STK39: variants seen among roughly 807,000 people sequenced by gnomAD.
The protein encoded by STK39 is serine/threonine kinase 39.
A neutral mutation model predicts 77.8 loss-of-function variants in STK39; 20 were observed. That is an observed-to-expected ratio of 0.26 (90% CI 0.18 to 0.37). STK39 has a LOEUF of 0.37. Among genes scored for constraint, STK39 ranks in the 10% least tolerant of loss-of-function variants. The pLI is 1.00. For missense variants in STK39, 479 were observed against 656.5 expected (o/e 0.73, Z 2.95); for synonymous variants, 246 against 234.1 (o/e 1.05, Z -0.47).
At chr2:168,134,029 A>G (rs1687769419) in intron 8 of STK39, among the ~76,000 whole-genome samples, 1 of 152,188 alleles carries the variant, frequency 6.6e-6, no homozygotes, top group Non-Finnish European at 1.5e-5. Context: ...CCACCAGTAC[A>G]GCCTACCTTT....
At chr2:168,246,859 G>T (rs1478124837) in intron 1 of STK39, among the ~76,000 whole-genome samples, 1 of 151,730 alleles carries the variant, frequency 6.6e-6, no homozygotes, top group Non-Finnish European at 1.5e-5. Context: ...CTGCCTGTCC[G>T]CGTGGCCACC....
chr2:168,229,942 T>A (rs1690409521), intron 1 of STK39, among the ~76,000 whole-genome samples: 1 of 152,192 alleles, frequency 6.6e-6, no homozygotes, highest in African/African-American at 2.4e-5. Context: ...CAAAAATCAC[T>A]CTGATGCTTA....
intron 1 of STK39, among the ~76,000 whole-genome samples, chr2:168,198,922 T>C (rs1241644216): frequency 1.6e-4 from 25 of 152,248 alleles, no homozygotes; most frequent in Admixed American, 1.6e-3. Context: ...TACTATACTG[T>C]ATTCTAAAGG....
chr2:168,033,250 G>GA (rs1233487908), intron 14 of STK39, among the ~76,000 whole-genome samples: 5,125 of 140,442 alleles, frequency 0.036, 258 homozygotes, highest in African/African-American at 0.11. Context: ...CCAGCAAAAA[G>GA]AAAAAAAAAA....
chr2:168,147,320 T>G (rs563982320), intron 5 of STK39, among the ~76,000 whole-genome samples: 8 of 152,224 alleles, frequency 5.3e-5, no homozygotes, highest in Non-Finnish European at 1.2e-4. Context: ...CGGGAACATT[T>G]TCAGGGCTGC....
At chr2:167,991,098 T>C (rs1268174845) in intron 16 of STK39, among the ~76,000 whole-genome samples, 1 of 152,226 alleles carries the variant, frequency 6.6e-6, no homozygotes, top group Non-Finnish European at 1.5e-5. Context: ...GTTTGGCAGA[T>C]ACAAACACTT....
At chr2:168,135,390 G>T (rs1351011756) in intron 8 of STK39, among the ~76,000 whole-genome samples, 1 of 152,160 alleles carries the variant, frequency 6.6e-6, no homozygotes, top group Non-Finnish European at 1.5e-5. Context: ...CTATGAAGTG[G>T]GTATTTTAAG....
intron 1 of STK39, among the ~76,000 whole-genome samples, chr2:168,242,886 C>A: frequency 9.6e-6 from 1 of 104,712 alleles, no homozygotes; most frequent in African/African-American, 3.0e-5. Context: ...GAGTGAGACC[C>A]TTTATCAAAA....
chr2:167,996,196 C>A (rs1049420783), intron 16 of STK39, among the ~76,000 whole-genome samples: 20 of 152,244 alleles, frequency 1.3e-4, no homozygotes, highest in African/African-American at 4.8e-4. Context: ...AATTTACTAT[C>A]CACTCTCGTG....
intron 14 of STK39, among the ~76,000 whole-genome samples, chr2:168,021,851 T>C (rs1307593692): frequency 6.6e-6 from 1 of 152,058 alleles, no homozygotes; most frequent in Admixed American, 6.6e-5. Context: ...AATAGGGCAT[T>C]AAATATTCTG....
intron 10 of STK39, among the ~76,000 whole-genome samples, chr2:168,110,515 G>A (rs758894509): frequency 1.3e-5 from 2 of 152,164 alleles, no homozygotes; most frequent in African/African-American, 2.4e-5. Context: ...TAGGACTAAA[G>A]GCATGAGTCA....
At chr2:168,114,220 A>G (rs1258405634) in intron 10 of STK39, among the ~76,000 whole-genome samples, 1 of 152,232 alleles carries the variant, frequency 6.6e-6, no homozygotes, top group Admixed American at 6.5e-5. Flanking sequence ...CTGTTGGGTT[A>G]TTGTGCTCTA....
chr2:168,174,652 T>G (rs7598658), intron 2 of STK39, among the ~76,000 whole-genome samples: 100,374 of 151,540 alleles, frequency 0.66, 33,562 homozygotes, highest in East Asian at 0.84. Context: ...TTTTGACCAT[T>G]AAATTGTGAC....
chr2:167,962,549 A>T lies in STK39; in HGVS notation c.1563+2113T>A, dbSNP rs532409665. Among the ~76,000 whole-genome samples the T allele has an allele frequency of 2.6e-5, 4 of 152,340 alleles. No individual in the cohort carries two copies. In the South Asian group the frequency reaches 8.3e-4, roughly 32 times the overall value. ...AAGCCATCAATTTCCATTTACTGTG[A>T]ACACCACACTACTACGTTTTCAAGC... On this transcript the variant is annotated intron_variant, in intron 17 of 17. Transcript: ENST00000355999.
At chr2:168,245,188 T>C (rs1209839232) in intron 1 of STK39, among the ~76,000 whole-genome samples, 1 of 152,174 alleles carries the variant, frequency 6.6e-6, no homozygotes, top group Non-Finnish European at 1.5e-5. Flanking sequence ...GTGGAAATAA[T>C]TAAGCACCTT....
At chr2:168,094,000 G>A (rs1574459839) in intron 10 of STK39, among the ~76,000 whole-genome samples, 1 of 152,264 alleles carries the variant, frequency 6.6e-6, no homozygotes, top group African/African-American at 2.4e-5. Context: ...CACCTGAGAT[G>A]GGCCTCCTTG....
chr2:168,065,155 A>C (rs1352834448), intron 13 of STK39, among the ~76,000 whole-genome samples, 164 bp downstream of exon 13: 1 of 152,148 alleles, frequency 6.6e-6, no homozygotes, highest in Non-Finnish European at 1.5e-5. Flanking sequence ...TAAAGGTTGG[A>C]GGTCCCACAA....
chr2:168,064,779 C>T (rs543384947), intron 13 of STK39, among the ~76,000 whole-genome samples: 2 of 152,264 alleles, frequency 1.3e-5, no homozygotes, highest in South Asian at 4.1e-4. Context: ...GGTTCTATGC[C>T]CCTAGGCCTT....
intron 16 of STK39, among the ~76,000 whole-genome samples, chr2:167,989,421 G>T (rs2105279952): frequency 6.6e-6 from 1 of 152,206 alleles, no homozygotes. Flanking sequence ...TTTCTCCAAA[G>T]AACCAGTTGT....
Sources: gnomAD v4.1 joint callset for allele counts (sites outside exome capture counted in the v4.1 genomes callset) on GRCh38, gnomAD v4.1.1 for gene constraint, MANE v1.5 for transcripts, NCBI Gene and HGNC (gene_info 2026-07-23, HGNC 2026-07-21) for gene names.